ALCAM: variants seen among roughly 807,000 people sequenced by gnomAD.
ALCAM encodes CD166 antigen.
ALCAM carries 30 observed loss-of-function variants against 70.9 expected under a neutral mutation model. The ratio of observed to expected loss-of-function variants is 0.42; its 90% CI spans 0.32 to 0.57. The LOEUF (loss-of-function observed/expected upper bound fraction) is 0.57. ALCAM is among the 20% of genes least tolerant of loss of function. The pLI is 0.11. For missense variants in ALCAM, 591 were observed against 695.1 expected (o/e 0.85, Z 1.68); for synonymous variants, 249 against 242.5 (o/e 1.03, Z -0.25).
At chr3:105,557,180 C>G (rs1217529729) in intron 14 of ALCAM, among the ~76,000 whole-genome samples, 1 of 152,042 alleles carries the variant, frequency 6.6e-6, no homozygotes, top group African/African-American at 2.4e-5. Flanking sequence ...GCTGACACAG[C>G]CTCTCTCTCC....
At chr3:105,487,372 T>C (rs1283402629) in intron 1 of ALCAM, among the ~76,000 whole-genome samples, 1 of 152,164 alleles carries the variant, frequency 6.6e-6, no homozygotes, top group Non-Finnish European at 1.5e-5. Context: ...AGAACTTCCA[T>C]CTAATAGATG....
intron 1 of ALCAM, among the ~76,000 whole-genome samples, chr3:105,502,834 T>C (rs1264426072): frequency 6.6e-6 from 1 of 152,244 alleles, no homozygotes; most frequent in Non-Finnish European, 1.5e-5. Context: ...TTGTACTTTG[T>C]ATCAGAGCTT....
At chr3:105,462,503 A>G (rs1483626868) in intron 1 of ALCAM, among the ~76,000 whole-genome samples, 1 of 151,558 alleles carries the variant, frequency 6.6e-6, no homozygotes, top group East Asian at 1.9e-4. Flanking sequence ...TTTTTAAAAT[A>G]TGACAGTCTG....
At chr3:105,401,749 T>C (rs761825823) in intron 1 of ALCAM, among the ~76,000 whole-genome samples, 1 of 151,964 alleles carries the variant, frequency 6.6e-6, no homozygotes, top group Non-Finnish European at 1.5e-5. Context: ...TCTTTCTCAT[T>C]ATTAAGGAAT....
intron 1 of ALCAM, among the ~76,000 whole-genome samples, chr3:105,420,314 A>G (rs1334867213): frequency 3.3e-5 from 5 of 151,680 alleles, no homozygotes; most frequent in Non-Finnish European, 5.9e-5. Context: ...TGCAAATGAA[A>G]TAAAGAACAT....
intron 1 of ALCAM, among the ~76,000 whole-genome samples, chr3:105,421,773 T>G (rs1339715995): frequency 6.6e-6 from 1 of 151,524 alleles, no homozygotes; most frequent in African/African-American, 2.4e-5. Flanking sequence ...TTGTTCCACT[T>G]CTGGGGTCTC....
chr3:105,429,371 G>A (rs1174136523), intron 1 of ALCAM, among the ~76,000 whole-genome samples: 1 of 151,884 alleles, frequency 6.6e-6, no homozygotes, highest in Non-Finnish European at 1.5e-5. Context: ...GCTTACCAAA[G>A]CCCATTGGAT....
intron 14 of ALCAM, among the ~76,000 whole-genome samples, chr3:105,561,661 A>G (rs1038079624): frequency 2.6e-5 from 4 of 152,190 alleles, no homozygotes; most frequent in African/African-American, 9.7e-5. Flanking sequence ...CTTACTTCTG[A>G]CACCAAATGC....
chr3:105,458,095 C>A (rs1385987472), intron 1 of ALCAM, among the ~76,000 whole-genome samples: 73 of 135,226 alleles, frequency 5.4e-4, no homozygotes, highest in African/African-American at 7.8e-4. Context: ...AAAAAAAAAA[C>A]CAGCTTTATA....
chr3:105,440,346 C>G (rs536352502), intron 1 of ALCAM, among the ~76,000 whole-genome samples: 2 of 152,276 alleles, frequency 1.3e-5, no homozygotes, highest in Non-Finnish European at 2.9e-5. Flanking sequence ...TGTCAATAAG[C>G]AAAATATTCA....
chr3:105,456,555 A>G (rs1937537564), intron 1 of ALCAM, among the ~76,000 whole-genome samples: 2 of 152,194 alleles, frequency 1.3e-5, no homozygotes, highest in African/African-American at 4.8e-5. Context: ...CTTATAAGCA[A>G]CTACATAGAG....
chr3:105,443,764 G>A (rs1012532350), intron 1 of ALCAM, among the ~76,000 whole-genome samples: 3 of 152,024 alleles, frequency 2.0e-5, no homozygotes, highest in African/African-American at 7.2e-5. Context: ...TTTAAATCAG[G>A]CCAGTTATAG....
chr3:105,386,760 T>C (rs913050935), intron 1 of ALCAM, among the ~76,000 whole-genome samples: 2 of 151,502 alleles, frequency 1.3e-5, no homozygotes, highest in African/African-American at 4.8e-5. Context: ...CCCATCAAGT[T>C]AGGAATATTT....
Position 105,520,071 on chromosome 3 carries a change from T to C in ALCAM, c.78T>C (p.Leu26=), listed in dbSNP as rs1311964957. The change falls in exon 2 of 16, where the codon CTT becomes CTC. Residue 26 remains leucine, a synonymous_variant. Coordinates refer to ENST00000306107, the MANE Select transcript of ALCAM (RefSeq NM_001627.4). ...CTTTTTTTTTTTCCCCCAAAGGCCT[T>C]GGATGGTATACTGTAAATTCAGCAT... ...LISATVFRPG[L]GWYTVNSAYG... is the part of the protein sequence containing the mutation. The C allele has an allele frequency of 6.3e-7, 1 of 1,598,414 alleles. No individual in the cohort carries two copies. The highest frequency in any genetic ancestry group is 8.5e-7 in the Non-Finnish European group (1 of 1,170,330).
At chr3:105,397,969 C>T (rs574027811) in intron 1 of ALCAM, among the ~76,000 whole-genome samples, 1 of 152,128 alleles carries the variant, frequency 6.6e-6, no homozygotes, top group African/African-American at 2.4e-5. Context: ...GCTAGGGATG[C>T]AGTGATAAAG....
chr3:105,545,994 G>A (rs2152630383), intron 9 of ALCAM, among the ~76,000 whole-genome samples: 1 of 151,544 alleles, frequency 6.6e-6, no homozygotes, highest in Admixed American at 6.6e-5. Flanking sequence ...CCCTGAACAA[G>A]TGCTTATACT....
At position 105,381,787 on chromosome 3, in the gene ALCAM, A is replaced by G. The variant is rs540435388; in HGVS notation, c.73+14306A>G. 5.3e-5 allele frequency among the ~76,000 whole-genome samples: 8 copies of G among 151,960 alleles called. No individual in the cohort carries two copies. In the East Asian group the frequency reaches 1.2e-3, roughly 22 times the overall value. On this transcript the variant is annotated intron_variant, in intron 1 of 15. Transcript: ENST00000306107. ...CCCAGTGATCATATTTTAAGAAACC[A>G]AAAGAAGTAAACATTTTCTAACATA...
intron 1 of ALCAM, among the ~76,000 whole-genome samples, chr3:105,508,626 T>C (rs1165305896): frequency 6.6e-6 from 1 of 152,196 alleles, no homozygotes; most frequent in Admixed American, 6.5e-5. Context: ...ATATTTAATC[T>C]ATACAACATG....
intron 1 of ALCAM, among the ~76,000 whole-genome samples, chr3:105,498,661 G>C (rs1310469687): frequency 6.6e-6 from 1 of 152,042 alleles, no homozygotes; most frequent in African/African-American, 2.4e-5. Flanking sequence ...TTTGTGCTTG[G>C]AGCTCCACTA....
Sources: allele counts gnomAD v4.1 joint callset (sites outside exome capture counted in the v4.1 genomes callset), GRCh38; gene constraint gnomAD v4.1.1; transcripts MANE v1.5; gene names NCBI Gene and HGNC (gene_info 2026-07-23, HGNC 2026-07-21).